Variants in CDH18 observed in about 807,000 individuals in gnomAD.
CDH18 encodes the protein cadherin-18.
In CDH18, 31 loss-of-function variants were observed where a neutral mutation model predicts 67.9. The ratio of observed to expected loss-of-function variants is 0.46; its 90% confidence interval spans 0.34 to 0.62. The LOEUF (loss-of-function observed/expected upper bound fraction) is 0.62. Ranked by LOEUF, CDH18 falls within the 20% of genes least tolerant of loss-of-function variation. CDH18 has a pLI of 0.01. For synonymous variants in CDH18, 362 were observed against 347.2 expected (o/e 1.04, Z -0.48); for missense variants, 890 against 975.5 (o/e 0.91, Z 1.17).
At chr5:20,092,812 A>C (rs1348128449) in intron 2 of CDH18, among the ~76,000 whole-genome samples, 1 of 152,144 alleles carries the variant, frequency 6.6e-6, no homozygotes, top group East Asian at 1.9e-4. Flanking sequence ...ATAAAAAGCA[A>C]GTTCATGTTT....
chr5:20,509,886 T>C (rs1224756538), intron 1 of CDH18, among the ~76,000 whole-genome samples: 2 of 152,236 alleles, frequency 1.3e-5, no homozygotes, highest in African/African-American at 4.8e-5. Flanking sequence ...ATATTGATTT[T>C]ATTCCTTTAA....
At chr5:20,093,706 G>A (rs1240705560) in intron 2 of CDH18, among the ~76,000 whole-genome samples, 2 of 152,114 alleles carry the variant, frequency 1.3e-5, no homozygotes, top group Admixed American at 1.3e-4. Flanking sequence ...AGGTATTAAG[G>A]AACAGGTAAG....
intron 3 of CDH18, among the ~76,000 whole-genome samples, chr5:19,754,270 C>T (rs1771236794): frequency 6.6e-6 from 1 of 152,080 alleles, no homozygotes; most frequent in African/African-American, 2.4e-5. Flanking sequence ...AGAGACTCAC[C>T]TAACACATAA....
At chr5:20,256,864 G>A (rs2974581) in intron 1 of CDH18, among the ~76,000 whole-genome samples, 69,808 of 151,714 alleles carry the variant, frequency 0.46, 16,129 homozygotes, top group South Asian at 0.52. Context: ...CTAGGATGAG[G>A]AAAGTAGGAA....
chr5:20,119,327 A>G (rs1434149548), intron 2 of CDH18, among the ~76,000 whole-genome samples: 1 of 152,168 alleles, frequency 6.6e-6, no homozygotes, highest in Admixed American at 6.6e-5. Context: ...ATATAAATCT[A>G]GACTCTTGTC....
chr5:19,756,807 G>A (rs1214762714), intron 3 of CDH18, among the ~76,000 whole-genome samples: 1 of 152,210 alleles, frequency 6.6e-6, no homozygotes, highest in Non-Finnish European at 1.5e-5. Context: ...GTAACAGGAA[G>A]CAAATATTTT....
intron 9 of CDH18, among the ~76,000 whole-genome samples, chr5:19,542,977 G>T (rs1423502010): frequency 6.6e-6 from 1 of 152,026 alleles, no homozygotes; most frequent in Admixed American, 6.6e-5. Flanking sequence ...AAGAAAAACA[G>T]AACGTGATTT....
At chr5:19,482,375 C>A (rs554678590) in intron 12 of CDH18, among the ~76,000 whole-genome samples, 1 of 152,210 alleles carries the variant, frequency 6.6e-6, no homozygotes, top group South Asian at 2.1e-4. Flanking sequence ...CTCGGCCTCC[C>A]AAAGTGCTGG....
intron 2 of CDH18, among the ~76,000 whole-genome samples, chr5:20,206,600 T>A (rs182100934): frequency 1.3e-5 from 2 of 152,048 alleles, no homozygotes; most frequent in African/African-American, 4.8e-5. Flanking sequence ...TGAAATAATA[T>A]TTTACAAACC....
chr5:19,511,935 T>A (rs1461827793), intron 10 of CDH18, among the ~76,000 whole-genome samples: 1 of 152,152 alleles, frequency 6.6e-6, no homozygotes, highest in Non-Finnish European at 1.5e-5. Context: ...CTCCAGGGTA[T>A]GTCAGAGGTG....
intron 8 of CDH18, among the ~76,000 whole-genome samples, chr5:19,555,936 T>C (rs1738330606): frequency 6.6e-6 from 1 of 152,032 alleles, no homozygotes; most frequent in Non-Finnish European, 1.5e-5. Context: ...TGAAGATGGG[T>C]TACATGACAG....
chr5:20,154,510 AGAATAAAAAATTTTAACAACATTTAAT>A (rs1751372282), intron 2 of CDH18, among the ~76,000 whole-genome samples: 2 of 152,288 alleles, frequency 1.3e-5, no homozygotes, highest in South Asian at 4.1e-4. Context: ...GAGACAAAAC[AGAATAAAAAATTTTAACAACATTTAAT>A]CCATTTGAAA....
chr5:19,728,384 T>C (rs1176091542), intron 4 of CDH18, among the ~76,000 whole-genome samples: 2 of 152,190 alleles, frequency 1.3e-5, no homozygotes, highest in African/African-American at 4.8e-5. Flanking sequence ...GCTGTTCCCA[T>C]GCTGAGGATT....
chr5:19,858,293 A>G (rs1357391539), intron 2 of CDH18, among the ~76,000 whole-genome samples: 2 of 152,150 alleles, frequency 1.3e-5, no homozygotes, highest in Non-Finnish European at 1.5e-5. Context: ...GGTTAAGATA[A>G]TGAGTTGGGG....
intron 5 of CDH18, among the ~76,000 whole-genome samples, chr5:19,630,941 G>T (rs1260759855): frequency 6.6e-6 from 1 of 152,012 alleles, no homozygotes; most frequent in East Asian, 1.9e-4. Context: ...TAGTTATATA[G>T]AGACTGTTTT....
rs1753200873 is a variant in CDH18, at chr5:20,486,681, G to GTGTA, written c.-580+88780_-580+88781insTACA. ...AGTTGTTTTACCTGTTGCTATTTTT[G>GTGTA]TATATATATATATATATACATATAT... On this transcript the variant is annotated intron_variant, in intron 1 of 14. Coordinates refer to the CDH18 transcript ENST00000507958. Among the ~76,000 whole-genome samples the GTGTA allele has an allele frequency of 1.4e-3, 170 of 122,618 alleles. 3 individuals are homozygous for GTGTA. The highest frequency in any genetic ancestry group is 5.2e-3 in the African/African-American group (164 of 31,664). The allele number at this position is 122,618 out of a possible 152,430, so 80.4% of individuals were successfully genotyped here.
chr5:20,302,875 T>G (rs1251031509), intron 1 of CDH18, among the ~76,000 whole-genome samples: 19 of 152,198 alleles, frequency 1.2e-4, no homozygotes. Context: ...ATCTCATTCA[T>G]GTGCCCAGAG....
rs1749930401 is a variant in CDH18, at chr5:19,539,624, A to T, written c.1390+4245T>A. On this transcript the variant is annotated intron_variant, in intron 9 of 12. Transcript: ENST00000382275. ...TCACACTGCTAATAAGACATATCTG[A>T]GGCTGGGGAGGCCTCACAGTCATGG... Among the ~76,000 whole-genome samples the T allele has an allele frequency of 2.6e-5, 4 of 151,208 alleles. No homozygotes were observed. The South Asian group carries it at 8.5e-4, about 32-fold the overall frequency.
At chr5:19,939,322 A>C (rs1452167389) in intron 2 of CDH18, among the ~76,000 whole-genome samples, 1 of 151,678 alleles carries the variant, frequency 6.6e-6, no homozygotes, top group Non-Finnish European at 1.5e-5. Flanking sequence ...ATAATTTTAA[A>C]TGTGATTCTT....
Sources: allele counts gnomAD v4.1 joint callset (sites outside exome capture counted in the v4.1 genomes callset), GRCh38; gene constraint gnomAD v4.1.1; transcripts MANE v1.5; gene names NCBI Gene and HGNC (gene_info 2026-07-23, HGNC 2026-07-21).